The following MAN2A1 variants were observed in gnomAD, a reference collection of about 807,000 sequenced individuals.
The protein encoded by MAN2A1 is alpha-mannosidase 2.
In MAN2A1, 76 loss-of-function variants were observed where a neutral mutation model predicts 142.6. The ratio of observed to expected loss-of-function variants is 0.53; its 90% CI spans 0.44 to 0.65. The LOEUF is 0.65. Among genes scored for constraint, MAN2A1 ranks in the 30% least tolerant of loss-of-function variants. The probability of loss-of-function intolerance (pLI) is 0.00; values close to 1 mark genes in which losing one functional copy is unlikely to be tolerated. For synonymous variants in MAN2A1, 559 were observed against 473.2 expected (o/e 1.18, Z -2.35); for missense variants, 1,311 against 1,365.1 (o/e 0.96, Z 0.62).
intron 3 of MAN2A1, among the ~76,000 whole-genome samples, chr5:109,724,692 A>G (rs983864817): frequency 3.9e-5 from 6 of 152,186 alleles, no homozygotes; most frequent in Admixed American, 1.3e-4. Flanking sequence ...AAAAATAAAA[A>G]GAAAAGAAAA....
intron 10 of MAN2A1, among the ~76,000 whole-genome samples, chr5:109,787,461 C>T (rs778899101): frequency 1.3e-5 from 2 of 151,810 alleles, no homozygotes; most frequent in African/African-American, 2.4e-5. Context: ...AATGTTGAAA[C>T]GTTTAGAATT....
chr5:109,726,272 G>T (rs1396766365), intron 3 of MAN2A1, among the ~76,000 whole-genome samples: 2 of 152,022 alleles, frequency 1.3e-5, no homozygotes, highest in African/African-American at 4.8e-5. Context: ...TTTCTGGTTG[G>T]TCTCATGTTA....
intron 12 of MAN2A1, among the ~76,000 whole-genome samples, chr5:109,805,073 A>G (rs1382713688): frequency 6.6e-6 from 1 of 152,152 alleles, no homozygotes; most frequent in East Asian, 1.9e-4. Flanking sequence ...ATGGCTACAG[A>G]TGTGATTTCT....
chr5:109,823,649 A>G, intron 15 of MAN2A1, 74 bp from the exon 16 acceptor site: 2 of 762,486 alleles, frequency 2.6e-6, no homozygotes, highest in South Asian at 3.2e-5. Flanking sequence ...CTATTTTTGA[A>G]ACCATAATAA....
chr5:109,736,397 A>G (rs540956544), intron 4 of MAN2A1, among the ~76,000 whole-genome samples: 2 of 152,244 alleles, frequency 1.3e-5, no homozygotes, highest in Admixed American at 6.5e-5. Context: ...AATGGCTATA[A>G]TCTCAGTGAC....
chr5:109,852,290 T>A (rs1755504143), intron 19 of MAN2A1, among the ~76,000 whole-genome samples: 1 of 152,168 alleles, frequency 6.6e-6, no homozygotes, highest in African/African-American at 2.4e-5. Flanking sequence ...CCTTCCTCTT[T>A]GTCTTTTTTA....
chr5:109,860,248 CCTTT>C (rs1331360776), intron 20 of MAN2A1, among the ~76,000 whole-genome samples: 5 of 152,040 alleles, frequency 3.3e-5, no homozygotes, highest in African/African-American at 7.2e-5. Context: ...ATTTACCTTC[CCTTT>C]CTTTCTGTCA....
chr5:109,698,235 C>T lies in MAN2A1; in HGVS notation c.135+7683C>T, dbSNP rs188980172. On this transcript the variant is annotated intron_variant, in intron 1 of 21. Transcript: ENST00000261483. ...CTGTAAATAGAAGATGGAACTCAGC[C>T]GGTCTCTGGGATCCTGAGCGTTGCT... is the stretch of plus-strand genomic sequence containing the variant. Among the ~76,000 whole-genome samples the T allele has an allele frequency of 9.2e-5, 14 of 152,316 alleles. No individual in the cohort carries two copies. The East Asian group carries it at 1.7e-3, about 19-fold the overall frequency.
chr5:109,789,471 A>T lies in MAN2A1; in HGVS notation c.1887A>T (p.Gln629His). The change falls in exon 12 of 22, where the codon CAA becomes CAT. Residue 629 changes from glutamine to histidine, a missense_variant. Physicochemically the swap from Gln to His is conservative, Grantham distance 24. Transcript: ENST00000261483. ...GTTCATTTTTATAGGATTTGAAACAAAAATCACAAGATTCTCTGCCACAAA... is the reference window on the plus strand; with the variant it reads ...GTTCATTTTTATAGGATTTGAAACATAAATCACAAGATTCTCTGCCACAAA... ...PDTFLEMDLK[Q>H]KSQDSLPQKN... 1 of 1,584,976 alleles carries T rather than the reference A, an allele frequency of 6.3e-7. No individual in the cohort carries two copies. The highest frequency in any genetic ancestry group is 8.6e-7 in the Non-Finnish European group (1 of 1,161,932).
rs528985956 is a variant in MAN2A1, at chr5:109,823,026, A to G, written c.2452-697A>G. The stretch of plus-strand genomic sequence containing the variant: ...GTTCATATTGCAAGCCTAACTTTCT[A>G]TGCTATTGTTGAGCTAAGGTATCTA... On this transcript the variant is annotated intron_variant, in intron 15 of 21. Coordinates refer to ENST00000261483, the MANE Select transcript of MAN2A1 (RefSeq NM_002372.4). Among the ~76,000 whole-genome samples the G allele has an allele frequency of 5.5e-4, 84 of 152,326 alleles. No homozygotes were observed. In the South Asian group the frequency reaches 0.011, roughly 19 times the overall value.
At chr5:109,716,411 A>G (rs1751454431) in intron 3 of MAN2A1, 147 bp downstream of exon 3, 2 of 605,146 alleles carry the variant, frequency 3.3e-6, no homozygotes, top group Non-Finnish European at 5.6e-6. Context: ...TTTATGTGTC[A>G]TTATGTTTTA....
At chr5:109,847,224 T>C (rs1050388289) in intron 18 of MAN2A1, among the ~76,000 whole-genome samples, 1 of 152,210 alleles carries the variant, frequency 6.6e-6, no homozygotes, top group Non-Finnish European at 1.5e-5. Flanking sequence ...AAGCCGTGGT[T>C]AACAAAGCAG....
Position 109,746,125 on chromosome 5 carries a change from C to A in MAN2A1, c.708-9204C>A, listed in dbSNP as rs527651863. 1.1e-4 allele frequency among the ~76,000 whole-genome samples: 17 copies of A among 152,274 alleles called. No homozygotes were observed. In the East Asian group the frequency reaches 3.3e-3, roughly 29 times the overall value. On this transcript the variant is annotated intron_variant, in intron 4 of 21. Transcript: ENST00000261483. ...GAGTAGCTGGGATTACAGGCATGTG[C>A]CGCCACACCCAGCTAATTTTTGTAT...
intron 4 of MAN2A1, among the ~76,000 whole-genome samples, chr5:109,748,780 TGA>T (rs531448346): frequency 2.1e-4 from 32 of 151,964 alleles, no homozygotes; most frequent in Non-Finnish European, 3.4e-4. Context: ...GAAGAAATGA[TGA>T]GAGATGACTG....
At chr5:109,702,071 A>G (rs1750999089) in intron 1 of MAN2A1, among the ~76,000 whole-genome samples, 1 of 152,152 alleles carries the variant, frequency 6.6e-6, no homozygotes, top group Non-Finnish European at 1.5e-5. Flanking sequence ...CATTTCTGAT[A>G]ACCAAAAGCT....
intron 6 of MAN2A1, 56 bp downstream of exon 6, chr5:109,767,764 G>A: frequency 1.4e-6 from 2 of 1,434,300 alleles, no homozygotes; most frequent in Non-Finnish European, 1.9e-6. Flanking sequence ...ATTTCACAAG[G>A]GTTATGAACT....
At chr5:109,758,911 G>A (rs1353014987) in intron 5 of MAN2A1, among the ~76,000 whole-genome samples, 2 of 151,826 alleles carry the variant, frequency 1.3e-5, no homozygotes, top group African/African-American at 4.8e-5. Flanking sequence ...CCATAATTAT[G>A]AGAGTTTATT....
chr5:109,745,748 C>G (rs929339176), intron 4 of MAN2A1, among the ~76,000 whole-genome samples: 4 of 152,100 alleles, frequency 2.6e-5, no homozygotes, highest in Admixed American at 1.3e-4. Context: ...TCCTGAGTAG[C>G]TAGGATCTAC....
intron 3 of MAN2A1, among the ~76,000 whole-genome samples, chr5:109,726,637 A>C (rs1006084834): frequency 6.6e-6 from 1 of 152,216 alleles, no homozygotes; most frequent in African/African-American, 2.4e-5. Context: ...GAAAACTCCC[A>C]TGATAAACTC....
Sources: gnomAD v4.1 joint callset for allele counts (sites outside exome capture counted in the v4.1 genomes callset) on GRCh38, gnomAD v4.1.1 for gene constraint, MANE v1.5 for transcripts, NCBI Gene and HGNC (gene_info 2026-07-23, HGNC 2026-07-21) for gene names.